KIF21A: variants seen among roughly 807,000 people sequenced by gnomAD.
KIF21A encodes kinesin family member 21A, also known as kinesin-like protein KIF21A.
KIF21A carries 114 observed loss-of-function variants against 202.9 expected under a neutral mutation model. The ratio of observed to expected loss-of-function variants is 0.56; its 90% confidence interval spans 0.48 to 0.66. The LOEUF is 0.66. Among genes scored for constraint, KIF21A ranks in the 30% least tolerant of loss-of-function variants. KIF21A has a pLI of 0.00. For synonymous variants in KIF21A, 667 were observed against 670.8 expected, an observed-to-expected ratio of 0.99 and a Z score of 0.09; for missense variants, 1,677 against 1,994.9, an observed-to-expected ratio of 0.84 and a Z score of 3.04.
chr12:39,324,281 G>GA (rs906781193), intron 26 of KIF21A, among the ~76,000 whole-genome samples: 1 of 152,074 alleles, frequency 6.6e-6, no homozygotes, highest in Non-Finnish European at 1.5e-5. Flanking sequence ...TTTTTCTTGG[G>GA]AATTCTTAAG....
chr12:39,346,332 A>G (rs963984842), intron 12 of KIF21A, 134 bp downstream of exon 12: 1 of 460,482 alleles, frequency 2.2e-6, no homozygotes, highest in Admixed American at 4.4e-5. Context: ...AGTTTTATAA[A>G]ATCAGCATTA....
intron 6 of KIF21A, 83 bp from the exon 7 acceptor site, chr12:39,363,296 A>G: frequency 1.3e-6 from 1 of 786,088 alleles, no homozygotes; most frequent in East Asian, 2.7e-5. Context: ...TTTACAGAGA[A>G]TAATATAGAG....
At position 39,301,516 on chromosome 12, in the gene KIF21A, A is replaced by G; in HGVS notation, c.4895T>C (p.Ile1632Thr). The change falls in exon 37 of 38, where the codon ATA becomes ACA. Residue 1632 changes from isoleucine to threonine, a missense_variant. Ile to Thr is a moderately conservative substitution (Grantham distance 89). This residue lies in a region of KIF21A where 705 missense variants were observed against 791.9 expected (regional missense o/e 0.89). Coordinates refer to ENST00000361418, the MANE Select transcript of KIF21A (RefSeq NM_001173464.2). ...AAAAATGTGGGTGGAATTAACACATATGGCATTGATAGGACTATCATGACC... is the reference window on the plus strand; with the variant it reads ...AAAAATGTGGGTGGAATTAACACATGTGGCATTGATAGGACTATCATGACC... ...MKGHDSPINA[I>T]CVNSTHIFTA... is the part of the protein sequence containing the mutation. 6.2e-7 allele frequency: 1 copy of G among 1,614,102 alleles called. No individual in the cohort carries two copies.
intron 31 of KIF21A, among the ~76,000 whole-genome samples, chr12:39,314,645 T>C (rs1217554640): frequency 1.3e-5 from 2 of 151,842 alleles, no homozygotes; most frequent in Non-Finnish European, 3.0e-5. Flanking sequence ...TCAGATGTAA[T>C]ACTGTGTCTC....
chr12:39,328,134 C>T (rs1170321781), intron 24 of KIF21A, among the ~76,000 whole-genome samples: 1 of 152,122 alleles, frequency 6.6e-6, no homozygotes, highest in Non-Finnish European at 1.5e-5. Flanking sequence ...AAACAGCTCT[C>T]AGAGCGTTCC....
Position 39,358,357 on chromosome 12 carries a change from C to T in KIF21A, c.1036G>A (p.Ala346Thr), listed in dbSNP as rs143166999. 3 of 1,613,898 alleles carry T rather than the reference C, an allele frequency of 1.9e-6. No homozygotes were observed. The highest frequency in any genetic ancestry group is 2.7e-5 in the African/African-American group (2 of 74,920). Residue 346 changes from alanine (A) to threonine (T), a missense_variant, in exon 8 of 38, where the codon GCA becomes ACA. Coordinates refer to ENST00000361418, the MANE Select transcript of KIF21A (RefSeq NM_001173464.2). ...TCTCTGTCTGAAGGGCTGACACATG[C>T]TATCATGATTGTTTGGCTGAAAGTT... is the stretch of plus-strand genomic sequence containing the variant. ...LGGNSQTIMI[A>T]CVSPSDRDFM...
chr12:39,437,536 T>C (rs1042748431), intron 1 of KIF21A, among the ~76,000 whole-genome samples: 5 of 152,224 alleles, frequency 3.3e-5, no homozygotes, highest in Admixed American at 6.5e-5. Context: ...TCCTAATGCA[T>C]TGGCATTTTG....
intron 1 of KIF21A, among the ~76,000 whole-genome samples, chr12:39,413,763 G>T (rs1421283298): frequency 1.3e-5 from 2 of 152,076 alleles, no homozygotes; most frequent in African/African-American, 4.8e-5. Flanking sequence ...GACAGAACAA[G>T]AACTTATCTC....
intron 1 of KIF21A, among the ~76,000 whole-genome samples, chr12:39,439,178 C>T (rs1939229227): frequency 6.6e-6 from 1 of 152,074 alleles, no homozygotes; most frequent in Non-Finnish European, 1.5e-5. Flanking sequence ...ACCAGATACC[C>T]AATATTTTAG....
At chr12:39,380,211 G>A (rs1028856347) in intron 1 of KIF21A, among the ~76,000 whole-genome samples, 4 of 152,218 alleles carry the variant, frequency 2.6e-5, no homozygotes, top group South Asian at 4.2e-4. Context: ...CAGGCAATCC[G>A]CCTGCCTCAG....
At chr12:39,324,840 A>C (rs1945687951) in intron 26 of KIF21A, among the ~76,000 whole-genome samples, 1 of 152,202 alleles carries the variant, frequency 6.6e-6, no homozygotes, top group South Asian at 2.1e-4. Context: ...TATACTATCC[A>C]TTGCACAGTA....
intron 1 of KIF21A, among the ~76,000 whole-genome samples, chr12:39,384,000 C>T (rs1950784713): frequency 6.6e-6 from 1 of 151,942 alleles, no homozygotes; most frequent in South Asian, 2.1e-4. Flanking sequence ...GGTGATGATG[C>T]TGATGCTGAA....
chr12:39,332,560 G>A (rs913821868), intron 20 of KIF21A, 31 bp downstream of exon 20: 3 of 1,592,236 alleles, frequency 1.9e-6, no homozygotes, highest in Non-Finnish European at 2.6e-6. Flanking sequence ...GTTAGCTAAG[G>A]GGGAGCGTAT....
chr12:39,318,265 T>C, intron 28 of KIF21A, 64 bp from the exon 29 acceptor site: 1 of 1,496,038 alleles, frequency 6.7e-7, no homozygotes, highest in Non-Finnish European at 9.3e-7. Context: ...AGAAAAGTTA[T>C]AAGAAACATG....
Position 39,311,603 on chromosome 12 carries a change from G to A in KIF21A, c.3960-50C>T, listed in dbSNP as rs192336423. ...ACCAAGACTCACTTCAGTATCATGA[G>A]ACTATATCATGAGACTAGTTTTGTT... is the stretch of plus-strand genomic sequence containing the variant. On this transcript the variant is annotated intron_variant, in intron 31 of 37. Transcript: ENST00000361418. 3.5e-5 allele frequency: 56 copies of A among 1,594,856 alleles called. No individual in the cohort carries two copies. In the African/African-American group the frequency reaches 5.4e-4, roughly 15 times the overall value.
At chr12:39,319,260 G>A (rs1944935009) in intron 28 of KIF21A, among the ~76,000 whole-genome samples, 2 of 152,192 alleles carry the variant, frequency 1.3e-5, no homozygotes, top group Non-Finnish European at 2.9e-5. Context: ...GGTAAACTGA[G>A]GGAGGGGTGG....
intron 24 of KIF21A, 120 bp from the exon 25 acceptor site, chr12:39,326,444 G>C (rs1945924753): frequency 1.7e-5 from 12 of 724,500 alleles, no homozygotes; most frequent in South Asian, 1.6e-4. Flanking sequence ...GATGGTTTTA[G>C]TAGCTGAATC....
intron 33 of KIF21A, among the ~76,000 whole-genome samples, chr12:39,308,254 G>A (rs576981164): frequency 3.8e-4 from 58 of 151,900 alleles, no homozygotes; most frequent in African/African-American, 1.4e-3. Flanking sequence ...TGGGGGTGGT[G>A]GTGCGTGCCT....
chr12:39,352,103 A>G (rs1202680116), intron 10 of KIF21A, 123 bp from the exon 11 acceptor site: 6 of 757,926 alleles, frequency 7.9e-6, no homozygotes, highest in Non-Finnish European at 1.3e-5. Context: ...GCAAATCTAT[A>G]TTGTTCTGCA....
Sources: allele counts gnomAD v4.1 joint callset (sites outside exome capture counted in the v4.1 genomes callset), GRCh38; gene constraint gnomAD v4.1.1; regional missense constraint gnomAD v4.1.1; transcripts MANE v1.5; gene names NCBI Gene and HGNC (gene_info 2026-07-23, HGNC 2026-07-21).